ADAT3: variants seen among roughly 807,000 people sequenced by gnomAD.
The protein encoded by ADAT3 is tRNA-specific adenosine-34 deaminase regulatory subunit ADAT3.
A neutral mutation model predicts 3.5 loss-of-function variants in ADAT3; 2 were observed. That is an observed-to-expected ratio of 0.57 (90% CI 0.23 to 1.79). The LOEUF is 1.79. Among genes scored for constraint, ADAT3 ranks in the 40% most tolerant of loss-of-function variants. ADAT3 has a pLI of 0.18. For missense variants in ADAT3, 735 were observed against 571.4 expected, an observed-to-expected ratio of 1.29 and a Z score of -2.92; for synonymous variants, 358 against 270.3, an observed-to-expected ratio of 1.32 and a Z score of -3.18.
Position 1,909,577 on chromosome 19 carries a change from TGTGCCAGCAGCAGGGATGTCCTCACC to T in ADAT3, c.-158-2312_-158-2287del, listed in dbSNP as rs2013327310. Among the ~76,000 whole-genome samples the T allele has an allele frequency of 5.9e-4, 59 of 99,870 alleles. 2 individuals are homozygous for T. The South Asian group carries it at 0.019, about 32-fold the overall frequency. 65.5% of individuals were successfully genotyped at this position (99,870 alleles called of 152,430 possible). A position where few individuals can be genotyped will look rare whatever the true frequency, so the allele number is the denominator to read the frequency against. On this transcript the variant is annotated intron_variant, in intron 1 of 1. Coordinates refer to ENST00000329478, the MANE Select transcript of ADAT3 (RefSeq NM_138422.4). ...TGCCAGTGGCTGGGATGTCTTCACC[TGTGCCAGCAGCAGGGATGTCCTCACC>T]TGTGCCAGCGGCAGGGATGGTAACA... is the stretch of plus-strand genomic sequence containing the variant.
chr19:1,912,704 C>T lies in ADAT3; in HGVS notation c.657C>T (p.Ala219=), dbSNP rs1332086110. Residue 219 remains alanine (A), a synonymous_variant, in exon 2 of 2, where the codon GCC becomes GCT. Transcript: ENST00000329478. ...TGGGGGCCGTGGTAGTGGACCCGGC[C>T]TCGGACCGCGTGCTGGCCACCGGCC... ...RAVGAVVVDP[A]SDRVLATGHD... The T allele has an allele frequency of 2.7e-6, 4 of 1,501,966 alleles. No individual in the cohort carries two copies. Among genetic ancestry groups the T allele is most frequent in the South Asian group, 2.5e-5 (2 of 80,436 alleles). 93.0% of individuals were successfully genotyped at this position (1,501,966 alleles called of 1,614,324 possible).
intron 1 of ADAT3, among the ~76,000 whole-genome samples, chr19:1,907,497 C>T (rs1393737674): frequency 3.3e-5 from 5 of 151,970 alleles, no homozygotes; most frequent in African/African-American, 4.8e-5. Context: ...AGGAATTGAC[C>T]GCGCTGGGCT....
In ADAT3 at chr19:1,912,167, G is replaced by T. The variant is rs867309631; in HGVS notation, c.120G>T (p.Ala40=). 2 of 1,573,676 alleles carry T rather than the reference G, an allele frequency of 1.3e-6. No homozygotes were observed. The highest frequency in any genetic ancestry group is 3.3e-4 in the Middle Eastern group (2 of 6,010). Residue 40 remains alanine (A), a synonymous_variant, in exon 2 of 2, where the codon GCG becomes GCT. Transcript: ENST00000329478. The stretch of plus-strand genomic sequence containing the variant: ...CCGGGAGCCCGGAGCCTGAGCCGGC[G>T]CCGTGGCAGGCCCTCCCTGTCCTGT... ...LEAGSPEPEP[A]PWQALPVLSE...
chr19:1,905,420 C>T lies in ADAT3; in HGVS notation c.-178C>T, dbSNP rs952375970. 8 of 463,486 alleles carry T rather than the reference C, an allele frequency of 1.7e-5. No individual in the cohort carries two copies. The highest frequency in any genetic ancestry group is 3.6e-5 in the Non-Finnish European group (8 of 223,894). The allele number at this position is 463,486 out of a possible 1,614,324, so 28.7% of individuals were successfully genotyped here. On this transcript the variant is annotated 5_prime_UTR_variant, in exon 1 of 2. Coordinates refer to ENST00000329478, the MANE Select transcript of ADAT3 (RefSeq NM_138422.4). ...TGCTAAGACTTGGCGAAGCGCTGCGCTCGCGCCCGGATCCCTCAGGTAAGC... is the reference window on the plus strand; with the variant it reads ...TGCTAAGACTTGGCGAAGCGCTGCGTTCGCGCCCGGATCCCTCAGGTAAGC...
intron 1 of ADAT3, among the ~76,000 whole-genome samples, chr19:1,909,915 T>C (rs2013348312): frequency 6.6e-6 from 1 of 152,236 alleles, no homozygotes; most frequent in Non-Finnish European, 1.5e-5. Context: ...GTGGCTTGTC[T>C]TCTGAGGTCT....
At chr19:1,909,096 CTCTG>C (rs773485228) in intron 1 of ADAT3, among the ~76,000 whole-genome samples, 17 of 145,698 alleles carry the variant, frequency 1.2e-4, no homozygotes, top group African/African-American at 2.1e-4. Context: ...CAGAGTGAGA[CTCTG>C]TCTGAAAAAA....
rs1016773753 is a variant in ADAT3, at chr19:1,908,220, G to A, written c.-159+2781G>A. The A allele has an allele frequency of 3.3e-5, 9 of 275,632 alleles. No individual in the cohort carries two copies. Among genetic ancestry groups the A allele is most frequent in the South Asian group, 1.8e-4 (6 of 32,594 alleles). 17.1% of individuals were successfully genotyped at this position (275,632 alleles called of 1,614,324 possible). A position where few individuals can be genotyped will look rare whatever the true frequency, so the allele number is the denominator to read the frequency against. On this transcript the variant is annotated intron_variant, in intron 1 of 1. Coordinates refer to ENST00000329478, the MANE Select transcript of ADAT3 (RefSeq NM_138422.4). The surrounding 1 kb of genome is among the most constrained non-coding windows in gnomAD (Gnocchi z 4.2). ...CACCTGGCACGGGGCCTCGGGCAGC[G>A]GCAGCACCTGGCGCTGCCTCCGCGC...
Position 1,912,160 on chromosome 19 carries a change from A to G in ADAT3, c.113A>G (p.Glu38Gly). Reference sequence around the variant, plus strand: ...TTGGAGGCCGGGAGCCCGGAGCCTGAGCCGGCGCCGTGGCAGGCCCTCCCT... The same window carrying G: ...TTGGAGGCCGGGAGCCCGGAGCCTGGGCCGGCGCCGTGGCAGGCCCTCCCT... ...KCLEAGSPEPEPAPWQALPVL... is the reference protein window; with the variant it reads ...KCLEAGSPEPGPAPWQALPVL... The change falls in exon 2 of 2, where the codon GAG becomes GGG. Residue 38 changes from glutamate (E) to glycine (G), a missense_variant. Physicochemically the swap from Glu to Gly is moderately conservative, Grantham distance 98. Coordinates refer to ENST00000329478, the MANE Select transcript of ADAT3 (RefSeq NM_138422.4). 1 of 1,570,784 alleles carries G rather than the reference A, an allele frequency of 6.4e-7. No individual in the cohort carries two copies. Among genetic ancestry groups the G allele is most frequent in the South Asian group, 1.2e-5 (1 of 85,866 alleles).
At chr19:1,906,864 A>C (rs1425405846) in intron 1 of ADAT3, 1 of 50,484 alleles carries the variant, frequency 2.0e-5, no homozygotes, top group Non-Finnish European at 3.5e-5. Context: ...AAAAAAAAAA[A>C]ATTGTGTGTG....
intron 1 of ADAT3, 52 bp downstream of exon 1, chr19:1,905,491 A>T (rs1192287028): frequency 5.1e-6 from 2 of 395,442 alleles, no homozygotes; most frequent in Admixed American, 2.7e-5. Flanking sequence ...ACTTCCCCAG[A>T]GGGGGAGTAG....
intron 1 of ADAT3, among the ~76,000 whole-genome samples, chr19:1,909,737 G>A (rs1227704773): frequency 2.6e-5 from 4 of 152,160 alleles, no homozygotes; most frequent in African/African-American, 9.7e-5. Flanking sequence ...AGCTCTTCCC[G>A]CAGCCCCACT....
intron 1 of ADAT3, among the ~76,000 whole-genome samples, chr19:1,909,751 G>T (rs1325482158): frequency 6.6e-6 from 1 of 152,224 alleles, no homozygotes; most frequent in African/African-American, 2.4e-5. Flanking sequence ...CCCCACTCCA[G>T]CCAGGGCCTC....
In ADAT3 at chr19:1,912,410, G is replaced by A. The variant is rs576864116; in HGVS notation, c.363G>A (p.Ser121=). The change falls in exon 2 of 2, where the codon TCG becomes TCA. Residue 121 remains serine (S), a synonymous_variant. Coordinates refer to ENST00000329478, the MANE Select transcript of ADAT3 (RefSeq NM_138422.4). ...CTGGGCCGGCCTCGGGCCCGCGCTC[G>A]CTGGCTGAGCTCCTGCCACGGCCGG... ...CLAGPASGPR[S]LAELLPRPAV... 2.3e-3 allele frequency: 3,550 copies of A among 1,513,786 alleles called. 72 individuals are homozygous for A. The African/African-American group carries it at 0.045, about 19-fold the overall frequency. 93.8% of individuals were successfully genotyped at this position (1,513,786 alleles called of 1,614,324 possible). A position where few individuals can be genotyped will look rare whatever the true frequency, so the allele number is the denominator to read the frequency against.
rs2013536695 is a variant in ADAT3 at position 1,912,699 on chromosome 19, C to A, written c.652C>A (p.Pro218Thr). 6.7e-7 allele frequency: 1 copy of A among 1,485,540 alleles called. No homozygotes were observed. 92.0% of individuals were successfully genotyped at this position (1,485,540 alleles called of 1,614,324 possible). A position where few individuals can be genotyped will look rare whatever the true frequency, so the allele number is the denominator to read the frequency against. Residue 218 changes from proline (P) to threonine (T), a missense_variant, in exon 2 of 2, where the codon CCG (proline) becomes ACG (threonine). Coordinates refer to ENST00000329478, the MANE Select transcript of ADAT3 (RefSeq NM_138422.4). ...LRAVGAVVVD[P>T]ASDRVLATGH... ...GGCCGTGGGGGCCGTGGTAGTGGAC[C>A]CGGCCTCGGACCGCGTGCTGGCCAC... is the stretch of plus-strand genomic sequence containing the variant.
At chr19:1,910,010 T>C (rs1157483169) in intron 1 of ADAT3, among the ~76,000 whole-genome samples, 1 of 152,232 alleles carries the variant, frequency 6.6e-6, no homozygotes, top group Non-Finnish European at 1.5e-5. Flanking sequence ...TGCCAGGCTG[T>C]GTGCTGTTCT....
In ADAT3 at chr19:1,907,021, A is replaced by C. The variant is rs369506868; in HGVS notation, c.-159+1582A>C. ...ACCAATATGGTGAAATCCCACCTCT[A>C]CTAAAAATATAAAAAATTAGCCAGG... On this transcript the variant is annotated intron_variant, in intron 1 of 1. Coordinates refer to ENST00000329478, the MANE Select transcript of ADAT3 (RefSeq NM_138422.4). 5.9e-5 allele frequency: 9 copies of C among 151,778 alleles called. No homozygotes were observed. The East Asian group carries it at 1.2e-3, about 20-fold the overall frequency. The allele number at this position is 151,778 out of a possible 1,614,324, so 9.4% of individuals were successfully genotyped here.
At position 1,911,959 on chromosome 19, in the gene ADAT3, A is replaced by G. The variant is rs768824943; in HGVS notation, c.-89A>G. On this transcript the variant is annotated 5_prime_UTR_variant, in exon 2 of 2. Transcript: ENST00000329478. ...GGGCCGGAGCCCTCGGACTAGCCTCAGCTTTGGTGGCAGCACGCCCTGCCT... is the reference window on the plus strand; with the variant it reads ...GGGCCGGAGCCCTCGGACTAGCCTCGGCTTTGGTGGCAGCACGCCCTGCCT... The G allele has an allele frequency of 2.7e-4, 383 of 1,399,364 alleles. 2 individuals carry two copies. Among genetic ancestry groups the G allele is most frequent in the Non-Finnish European group, 5.8e-5 (63 of 1,082,030 alleles). The allele number at this position is 1,399,364 out of a possible 1,614,324, so 86.7% of individuals were successfully genotyped here.
At position 1,910,170 on chromosome 19, in the gene ADAT3, C is replaced by T. The variant is rs151298615; in HGVS notation, c.-158-1720C>T. ...ATGTGACATGGCTGGCTCCTCTCTG[C>T]GGGGTCTCACCGGGCTGGAACCCAG... On this transcript the variant is annotated intron_variant, in intron 1 of 1. Coordinates refer to ENST00000329478, the MANE Select transcript of ADAT3 (RefSeq NM_138422.4). Among the ~76,000 whole-genome samples the T allele has an allele frequency of 3.2e-4, 48 of 152,272 alleles. 2 individuals are homozygous for T. The East Asian group carries it at 3.9e-3, about 12-fold the overall frequency.
intron 1 of ADAT3, chr19:1,906,824 C>G (rs553432183): frequency 6.7e-6 from 1 of 148,676 alleles, no homozygotes; most frequent in Admixed American, 6.8e-5. Context: ...GCACTCCAGC[C>G]TGGGCGACAG....
Sources: gnomAD v4.1 joint callset for allele counts (sites outside exome capture counted in the v4.1 genomes callset) on GRCh38, gnomAD v4.1.1 for gene constraint, Gnocchi (gnomAD v3.1) non-coding constraint, MANE v1.5 for transcripts, NCBI Gene and HGNC (gene_info 2026-07-23, HGNC 2026-07-21) for gene names.